The following ADAM22 variants were observed in gnomAD, a reference collection of about 807,000 sequenced individuals.
ADAM22 encodes disintegrin and metalloproteinase domain-containing protein 22.
Under a neutral mutation model 144.6 loss-of-function variants are expected in ADAM22, and 65 were observed. The ratio of observed to expected loss-of-function variants is 0.45; its 90% CI spans 0.37 to 0.55. ADAM22 has a LOEUF of 0.55. Among genes scored for constraint, ADAM22 ranks in the 20% least tolerant of loss-of-function variants. The pLI, the probability that ADAM22 is intolerant of heterozygous loss-of-function variation, is 0.00. For synonymous variants in ADAM22, 391 were observed against 412.6 expected (o/e 0.95, Z 0.63); for missense variants, 974 against 1,184.9 (o/e 0.82, Z 2.61).
intron 27 of ADAM22, among the ~76,000 whole-genome samples, chr7:88,179,751 G>C (rs1031410612): frequency 1.3e-5 from 2 of 152,004 alleles, no homozygotes; most frequent in African/African-American, 4.8e-5. Context: ...TGCATGCTTT[G>C]TAACTGCTTA....
At chr7:88,164,719 TAAAAC>T (rs1211916523) in intron 23 of ADAM22, among the ~76,000 whole-genome samples, 4 of 152,104 alleles carry the variant, frequency 2.6e-5, no homozygotes, top group African/African-American at 9.7e-5. Flanking sequence ...GTAAAACACT[TAAAAC>T]AAGACTGGGA....
intron 3 of ADAM22, among the ~76,000 whole-genome samples, chr7:88,064,510 G>A (rs562470021): frequency 4.6e-5 from 7 of 152,176 alleles, no homozygotes; most frequent in African/African-American, 1.7e-4. Flanking sequence ...ATAAATCATA[G>A]AATTTTTTTT....
rs1217561855 is a variant in ADAM22 at position 87,954,575 on chromosome 7, AT to A, written c.246+19395del. 7.9e-5 allele frequency among the ~76,000 whole-genome samples: 12 copies of A among 151,706 alleles called. No individual in the cohort carries two copies. In the South Asian group the frequency reaches 2.1e-3, roughly 26 times the overall value. On this transcript the variant is annotated intron_variant, in intron 2 of 31. Transcript: ENST00000413139. ...ACCTTTCTCTTTTGCTGCCCTTAAC[AT>A]TTTTTCCTTCATTTCAACTTTGGTG...
intron 3 of ADAM22, among the ~76,000 whole-genome samples, chr7:88,054,055 C>T (rs1332649694): frequency 6.6e-6 from 1 of 152,220 alleles, no homozygotes; most frequent in East Asian, 1.9e-4. Context: ...TCACTTGAAC[C>T]AGGGAGGTGA....
At chr7:87,982,060 T>TACACACACAC (rs1325628045) in intron 3 of ADAM22, among the ~76,000 whole-genome samples, 1 of 120,450 alleles carries the variant, frequency 8.3e-6, no homozygotes, top group Non-Finnish European at 1.6e-5. Context: ...TATATATATA[T>TACACACACAC]ATATATATAC....
intron 15 of ADAM22, among the ~76,000 whole-genome samples, chr7:88,144,306 T>C (rs1835690289): frequency 6.6e-6 from 1 of 152,174 alleles, no homozygotes; most frequent in Non-Finnish European, 1.5e-5. Context: ...ATCTGGCATA[T>C]AACAATTATT....
intron 2 of ADAM22, among the ~76,000 whole-genome samples, chr7:87,957,864 T>C (rs974671088): frequency 2.6e-5 from 4 of 152,102 alleles, no homozygotes; most frequent in African/African-American, 9.7e-5. Context: ...ATTACAGGCA[T>C]GAGCCACCCT....
intron 4 of ADAM22, among the ~76,000 whole-genome samples, chr7:88,089,672 A>C (rs1393754171): frequency 6.6e-6 from 1 of 152,164 alleles, no homozygotes; most frequent in African/African-American, 2.4e-5. Flanking sequence ...ATACTTAGTC[A>C]CCTAGACAGT....
chr7:88,125,492 A>G (rs1830199244), intron 7 of ADAM22, 97 bp from the exon 8 acceptor site: 1 of 740,360 alleles, frequency 1.4e-6, no homozygotes, highest in Non-Finnish European at 2.3e-6. Flanking sequence ...ATTATGTATT[A>G]TAAAATTCAT....
intron 2 of ADAM22, among the ~76,000 whole-genome samples, chr7:87,967,615 C>G (rs1849431330): frequency 6.6e-6 from 1 of 151,836 alleles, no homozygotes. Context: ...TCGAGACCAG[C>G]CTTCCCAGAT....
At chr7:87,984,359 A>T (rs1181459079) in intron 3 of ADAM22, among the ~76,000 whole-genome samples, 1 of 152,014 alleles carries the variant, frequency 6.6e-6, no homozygotes, top group Non-Finnish European at 1.5e-5. Context: ...ACAAGCCCAA[A>T]CCTATCTATA....
intron 4 of ADAM22, among the ~76,000 whole-genome samples, chr7:88,084,773 A>G (rs1213743868): frequency 1.3e-5 from 2 of 152,226 alleles, no homozygotes; most frequent in Non-Finnish European, 2.9e-5. Context: ...CTTCCATGTT[A>G]GTTTGCTAAA....
At chr7:87,973,487 G>T (rs1851033799) in intron 2 of ADAM22, among the ~76,000 whole-genome samples, 1 of 152,000 alleles carries the variant, frequency 6.6e-6, no homozygotes, top group Non-Finnish European at 1.5e-5. Context: ...TACACTGTTG[G>T]TGGGACTGTA....
At chr7:88,066,973 G>C (rs1811412290) in intron 3 of ADAM22, among the ~76,000 whole-genome samples, 1 of 151,952 alleles carries the variant, frequency 6.6e-6, no homozygotes, top group Admixed American at 6.6e-5. Context: ...AGATTAGATG[G>C]GATCTGATTT....
chr7:88,015,742 A>G (rs1301947236), intron 3 of ADAM22, among the ~76,000 whole-genome samples: 4 of 152,206 alleles, frequency 2.6e-5, no homozygotes, highest in East Asian at 1.9e-4. Flanking sequence ...ATGAAGTTTA[A>G]TATTCTCATA....
intron 4 of ADAM22, among the ~76,000 whole-genome samples, chr7:88,103,426 A>T (rs1284489002): frequency 6.6e-6 from 1 of 152,160 alleles, no homozygotes; most frequent in Non-Finnish European, 1.5e-5. Flanking sequence ...TGTTCCTAGA[A>T]TAAAAAATTA....
chr7:87,957,890 A>G (rs933158598), intron 2 of ADAM22, among the ~76,000 whole-genome samples: 2 of 152,118 alleles, frequency 1.3e-5, no homozygotes, highest in African/African-American at 4.8e-5. Context: ...GTCTGTTTTC[A>G]TACTTTCATA....
intron 3 of ADAM22, among the ~76,000 whole-genome samples, chr7:87,981,660 A>G (rs147425872): frequency 5.3e-5 from 8 of 152,262 alleles, no homozygotes; most frequent in African/African-American, 1.9e-4. Context: ...AGCATTTCCA[A>G]TTAGTTACCT....
chr7:87,957,714 C>G (rs1847119622), intron 2 of ADAM22, among the ~76,000 whole-genome samples: 1 of 152,142 alleles, frequency 6.6e-6, no homozygotes, highest in Admixed American at 6.5e-5. Context: ...TCCCGAGTAG[C>G]TGGGATTACA....
Sources: gnomAD v4.1 joint callset for allele counts (sites outside exome capture counted in the v4.1 genomes callset) on GRCh38, gnomAD v4.1.1 for gene constraint, MANE v1.5 for transcripts, NCBI Gene and HGNC (gene_info 2026-07-23, HGNC 2026-07-21) for gene names.